CSNK2A2IP: variants seen among roughly 807,000 people sequenced by gnomAD.
CSNK2A2IP encodes casein kinase 2 subunit alpha' interacting protein, also known as casein kinase II subunit alpha'-interacting protein.
chr3:88,461,136 TTC>T, the CSNK2A2IP span, among the ~76,000 whole-genome samples: 437 of 152,284 alleles, frequency 2.9e-3, 2 homozygotes, highest in African/African-American at 9.8e-3. Flanking sequence ...GTGCTATATA[TTC>T]TGTTAATTTT....
the CSNK2A2IP span, among the ~76,000 whole-genome samples, chr3:88,372,376 A>G: frequency 2.0e-5 from 3 of 151,534 alleles, no homozygotes; most frequent in Non-Finnish European, 4.4e-5. Flanking sequence ...AAATGAAACT[A>G]TATTGTTACA....
chr3:88,371,418 T>C, the CSNK2A2IP span, among the ~76,000 whole-genome samples: 1 of 151,392 alleles, frequency 6.6e-6, no homozygotes, highest in Non-Finnish European at 1.5e-5. Context: ...TAACTGAAAA[T>C]AAAAATACCT....
the CSNK2A2IP span, chr3:88,466,168 T>C: frequency 1.6e-6 from 2 of 1,231,604 alleles, no homozygotes; most frequent in East Asian, 6.3e-5. Flanking sequence ...TGCTCTTACC[T>C]CTCCATTACT....
At chr3:88,361,143 C>T in the CSNK2A2IP span, among the ~76,000 whole-genome samples, 1 of 152,072 alleles carries the variant, frequency 6.6e-6, no homozygotes, top group South Asian at 2.1e-4. Context: ...GTTGTTTAGA[C>T]ATGGAAATTA....
chr3:88,422,457 A>G, the CSNK2A2IP span, among the ~76,000 whole-genome samples: 2 of 152,188 alleles, frequency 1.3e-5, no homozygotes, highest in Non-Finnish European at 2.9e-5. Flanking sequence ...GAGCTTTAAG[A>G]TACCACCCAC....
At chr3:88,388,651 T>C in the CSNK2A2IP span, among the ~76,000 whole-genome samples, 1 of 152,198 alleles carries the variant, frequency 6.6e-6, no homozygotes, top group East Asian at 1.9e-4. Flanking sequence ...GATATAAGAT[T>C]GGCTGTCCAG....
chr3:88,389,333 A>G, the CSNK2A2IP span, among the ~76,000 whole-genome samples: 202 of 152,238 alleles, frequency 1.3e-3, no homozygotes, highest in African/African-American at 4.7e-3. Flanking sequence ...TATCCCTGGA[A>G]GAAGGAGCAG....
chr3:88,462,739 T>C, the CSNK2A2IP span, among the ~76,000 whole-genome samples: 3 of 152,142 alleles, frequency 2.0e-5, no homozygotes, highest in Admixed American at 6.5e-5. Flanking sequence ...AGACAGAAGA[T>C]ATAGAAAAAG....
At chr3:88,361,958 GT>G in the CSNK2A2IP span, among the ~76,000 whole-genome samples, 1 of 151,918 alleles carries the variant, frequency 6.6e-6, no homozygotes, top group Non-Finnish European at 1.5e-5. Flanking sequence ...TTCAATCTCT[GT>G]TTTAACTTTT....
the CSNK2A2IP span, among the ~76,000 whole-genome samples, chr3:88,446,102 T>TTTC: frequency 1.5e-4 from 17 of 116,628 alleles, no homozygotes; most frequent in African/African-American, 5.4e-4. Context: ...TTCTTTCTTT[T>TTTC]TTTCTTTCTT....
At chr3:88,354,005 T>C in the CSNK2A2IP span, among the ~76,000 whole-genome samples, 1 of 152,140 alleles carries the variant, frequency 6.6e-6, no homozygotes, top group Non-Finnish European at 1.5e-5. Flanking sequence ...GAGCCCTTGC[T>C]CTATCAGTTA....
the CSNK2A2IP span, among the ~76,000 whole-genome samples, chr3:88,367,938 T>G: frequency 6.6e-6 from 1 of 152,062 alleles, no homozygotes; most frequent in African/African-American, 2.4e-5. Flanking sequence ...TAATCCTAGT[T>G]TTAAAGTAGC....
At chr3:88,402,313 GT>G in the CSNK2A2IP span, among the ~76,000 whole-genome samples, 1 of 152,068 alleles carries the variant, frequency 6.6e-6, no homozygotes, top group Admixed American at 6.6e-5. Flanking sequence ...ACCCTTATAT[GT>G]TGGTAGTGGT....
At chr3:88,394,155 A>G in the CSNK2A2IP span, among the ~76,000 whole-genome samples, 1 of 152,186 alleles carries the variant, frequency 6.6e-6, no homozygotes, top group African/African-American at 2.4e-5. Flanking sequence ...ACAAGTGCAG[A>G]CACTTATTTA....
chr3:88,460,535 A>G, the CSNK2A2IP span, among the ~76,000 whole-genome samples: 1 of 152,158 alleles, frequency 6.6e-6, no homozygotes, highest in East Asian at 1.9e-4. Flanking sequence ...CTTTCAGTGC[A>G]ATTTTGTTTC....
the CSNK2A2IP span, among the ~76,000 whole-genome samples, chr3:88,462,246 G>C: frequency 2.0e-5 from 3 of 151,582 alleles, no homozygotes; most frequent in Non-Finnish European, 4.4e-5. Context: ...CTACTACTTT[G>C]TATGCTCTGT....
At chr3:88,344,278 T>A in the CSNK2A2IP span, among the ~76,000 whole-genome samples, 1 of 149,202 alleles carries the variant, frequency 6.7e-6, no homozygotes, top group Non-Finnish European at 1.5e-5. Flanking sequence ...TTAGAAAAAA[T>A]GAAAGCTTTG....
At chr3:88,395,543 C>G in the CSNK2A2IP span, among the ~76,000 whole-genome samples, 1 of 152,160 alleles carries the variant, frequency 6.6e-6, no homozygotes, top group African/African-American at 2.4e-5. Flanking sequence ...TTTCAGATAA[C>G]ATAAATTTGC....
the CSNK2A2IP span, among the ~76,000 whole-genome samples, chr3:88,412,462 G>A: frequency 6.6e-6 from 1 of 151,992 alleles, no homozygotes; most frequent in Admixed American, 6.6e-5. Flanking sequence ...CCTTGGCAGA[G>A]TACATTGCTT....
Sources: gnomAD v4.1 joint callset for allele counts (sites outside exome capture counted in the v4.1 genomes callset) on GRCh38, gnomAD v4.1.1 for gene constraint, MANE v1.5 for transcripts, NCBI Gene and HGNC (gene_info 2026-07-23, HGNC 2026-07-21) for gene names.